WNT10A: variants seen among roughly 807,000 people sequenced by gnomAD.
The protein encoded by WNT10A is protein Wnt-10a.
Under a neutral mutation model 36.1 loss-of-function variants are expected in WNT10A, and 37 were observed. The observed-to-expected ratio is 1.02, with a 90% CI of 0.79 to 1.35. The LOEUF is 1.35. Among genes scored for constraint, WNT10A ranks in the 40% most tolerant of loss-of-function variants. WNT10A has a pLI of 0.00. For synonymous variants in WNT10A, 255 were observed against 254.1 expected, an observed-to-expected ratio of 1.00 and a Z score of -0.03; for missense variants, 613 against 601.4, an observed-to-expected ratio of 1.02 and a Z score of -0.20.
At chr2:218,876,316 G>A (rs1401366406), upstream of WNT10A, among the ~76,000 whole-genome samples, 2 of 152,314 alleles carry the variant, frequency 1.3e-5, no homozygotes, top group African/African-American at 2.4e-5. Flanking sequence ...AGGGAGCAAA[G>A]CACAGTCCTT....
chr2:218,877,186 A>T (rs560018789), upstream of WNT10A, among the ~76,000 whole-genome samples: 3 of 152,350 alleles, frequency 2.0e-5, no homozygotes, highest in South Asian at 6.2e-4. This position sits in a 1 kb window ranked among gnomAD's most constrained non-coding sequence, Gnocchi z 4.1. Context: ...CTTGTTTGCT[A>T]GCTTGACCTT....
At chr2:218,874,646 G>A in the WNT10A span, among the ~76,000 whole-genome samples, 1 of 152,114 alleles carries the variant, frequency 6.6e-6, no homozygotes, top group African/African-American at 2.4e-5. Flanking sequence ...GGATGGCATA[G>A]CCCAACTTCC....
In WNT10A at chr2:218,890,353, T is replaced by C. The variant is rs781239708; in HGVS notation, c.746T>C (p.Val249Ala). 3.8e-6 allele frequency: 6 copies of C among 1,599,812 alleles called. No homozygotes were observed. Among genetic ancestry groups the C allele is most frequent in the East Asian group, 2.2e-5 (1 of 44,858 alleles). ...HARMRLHNNR[V>A]GRQAVMENMR... ...AGAATGAGGCTTCACAACAACCGAGTTGGGAGGCAGGTGAGAGCCCCACCC... is the reference window on the plus strand; with the variant it reads ...AGAATGAGGCTTCACAACAACCGAGCTGGGAGGCAGGTGAGAGCCCCACCC... Residue 249 changes from valine (V) to alanine (A), a missense_variant, in exon 3 of 4, where the codon GTT (valine) becomes GCT (alanine). Coordinates refer to ENST00000258411, the MANE Select transcript of WNT10A (RefSeq NM_025216.3).
At position 218,890,090 on chromosome 2, in the gene WNT10A, G is replaced by C. The variant is rs200751156; in HGVS notation, c.483G>C (p.Ala161=). 4.5e-5 allele frequency: 72 copies of C among 1,614,170 alleles called. No homozygotes were observed. In the Middle Eastern group the frequency reaches 5.0e-4, roughly 11 times the overall value. Residue 161 remains alanine, a synonymous_variant, in exon 3 of 4, where the codon GCG becomes GCC. Transcript: ENST00000258411. ...LGKLKACGCD[A]SRRGDEEAFR... is the part of the protein sequence containing the mutation. ...AACTGAAGGCCTGTGGCTGTGATGC[G>C]TCCCGGCGAGGGGACGAGGAGGCCT...
the WNT10A span, chr2:218,874,332 G>C: frequency 0.024 from 3,724 of 156,344 alleles, 148 homozygotes; most frequent in African/African-American, 0.085. Flanking sequence ...GCTATCACCT[G>C]GGTCCCTATC....
intron 1 of WNT10A, among the ~76,000 whole-genome samples, chr2:218,881,444 C>T (rs1023410534): frequency 2.0e-5 from 3 of 152,172 alleles, no homozygotes; most frequent in African/African-American, 7.2e-5. Context: ...AGCTGCCTCA[C>T]TCCTTCCTGC....
At chr2:218,892,676 G>T in intron 3 of WNT10A, 98 bp from the exon 4 acceptor site, 1 of 1,529,464 alleles carries the variant, frequency 6.5e-7, no homozygotes, top group Non-Finnish European at 8.8e-7. Flanking sequence ...GTTTGCCTCT[G>T]TATAATGGGA....
At position 218,893,239 on chromosome 2, in the gene WNT10A, C is replaced by A. The variant is rs1447903396; in HGVS notation, c.1222C>A (p.Arg408Ser). 1 of 1,562,804 alleles carries A rather than the reference C, an allele frequency of 6.4e-7. No individual in the cohort carries two copies. Among genetic ancestry groups the A allele is most frequent in the East Asian group, 2.3e-5 (1 of 43,244 alleles). ...WCCFVVCEEC[R>S]ITEWVSVCK ...CTGTTTCGTGGTCTGCGAAGAGTGC[C>A]GCATCACCGAGTGGGTCAGCGTCTG... Residue 408 changes from arginine to serine, a missense_variant, in exon 4 of 4, where the codon CGC becomes AGC. Arg to Ser is a moderately radical substitution (Grantham distance 110). Coordinates refer to ENST00000258411, the MANE Select transcript of WNT10A (RefSeq NM_025216.3). This position sits in a 1 kb window ranked among gnomAD's most constrained non-coding sequence, Gnocchi z 6.3.
Position 218,882,290 on chromosome 2 carries a change from G to A in WNT10A, c.243G>A (p.Val81=). The stretch of plus-strand genomic sequence containing the variant: ...AGGTGTGTGTGCGTCACCCTGATGT[G>A]GCTGCCTCAGCCATACAGGGCATCC... ...QMEVCVRHPD[V]AASAIQGIQI... Residue 81 remains valine (V), a synonymous_variant, in exon 2 of 4, where the codon GTG becomes GTA. Coordinates refer to ENST00000258411, the MANE Select transcript of WNT10A (RefSeq NM_025216.3). 1 of 1,614,122 alleles carries A rather than the reference G, an allele frequency of 6.2e-7. No homozygotes were observed. Among genetic ancestry groups the A allele is most frequent in the East Asian group, 2.2e-5 (1 of 44,890 alleles).
upstream of WNT10A, among the ~76,000 whole-genome samples, chr2:218,877,980 C>T (rs1049066207): frequency 4.6e-5 from 7 of 152,176 alleles, no homozygotes; most frequent in South Asian, 2.1e-4. The surrounding 1 kb of genome is among the most constrained non-coding windows in gnomAD (Gnocchi z 4.1). Flanking sequence ...CATGCTTCCC[C>T]GGCCCTTCCT....
At position 218,892,303 on chromosome 2, in the gene WNT10A, CCACACACACACACACA is replaced by C. The variant is rs60385784; in HGVS notation, c.757-429_757-414del. Among the ~76,000 whole-genome samples the C allele has an allele frequency of 6.1e-3, 616 of 100,938 alleles. 3 individuals carry two copies. Among genetic ancestry groups the C allele is most frequent in the East Asian group, 0.017 (56 of 3,252 alleles). The allele number at this position is 100,938 out of a possible 152,430, so 66.2% of individuals were successfully genotyped here. ...ACCGAACACCCCTCCACCCACCCCACCACACACACACACACACACACACACACACACACACACACAC... is the reference window on the plus strand; with the variant it reads ...ACCGAACACCCCTCCACCCACCCCACCACACACACACACACACACACACAC... On this transcript the variant is annotated intron_variant, in intron 3 of 3. Transcript: ENST00000258411.
intron 2 of WNT10A, among the ~76,000 whole-genome samples, chr2:218,885,608 C>T (rs1269892480): frequency 2.0e-5 from 3 of 152,224 alleles, no homozygotes; most frequent in South Asian, 2.1e-4. Flanking sequence ...CCAGACCCAT[C>T]TGGAATAGAT....
chr2:218,882,521 T>A, intron 2 of WNT10A, 98 bp downstream of exon 2: 1 of 1,478,738 alleles, frequency 6.8e-7, no homozygotes, highest in South Asian at 1.2e-5. Flanking sequence ...CAAGCTGGCA[T>A]CCTCCCATCC....
Position 218,889,866 on chromosome 2 carries a change from G to A in WNT10A, c.377-118G>A, listed in dbSNP as rs149016710. On this transcript the variant is annotated intron_variant, in intron 2 of 3. Coordinates refer to ENST00000258411, the MANE Select transcript of WNT10A (RefSeq NM_025216.3). ...CCCTTCTTTGACTCTGTTTCCTTGTGCCAGACTCTCCTGCATACTGGGCTT... is the reference window on the plus strand; with the variant it reads ...CCCTTCTTTGACTCTGTTTCCTTGTACCAGACTCTCCTGCATACTGGGCTT... 8 of 1,527,654 alleles carry A rather than the reference G, an allele frequency of 5.2e-6. No individual in the cohort carries two copies. The East Asian group carries it at 1.6e-4, about 30-fold the overall frequency. 94.6% of individuals were successfully genotyped at this position (1,527,654 alleles called of 1,614,324 possible).
chr2:218,878,273 A>C (rs945421658), upstream of WNT10A, among the ~76,000 whole-genome samples: 43 of 152,012 alleles, frequency 2.8e-4, 1 homozygote, highest in African/African-American at 9.4e-4. This position sits in a 1 kb window ranked among gnomAD's most constrained non-coding sequence, Gnocchi z 4.1. Context: ...CTGGACCAAC[A>C]CAGACTCTCC....
chr2:218,886,200 T>C (rs1410390647), intron 2 of WNT10A, among the ~76,000 whole-genome samples: 1 of 152,138 alleles, frequency 6.6e-6, no homozygotes, highest in African/African-American at 2.4e-5. Flanking sequence ...GTGAAACTGA[T>C]ATGCATACGT....
At position 218,880,858 on chromosome 2, in the gene WNT10A, T is replaced by C. The variant is rs951663090; in HGVS notation, c.-138T>C. 2.0e-5 allele frequency: 22 copies of C among 1,081,638 alleles called. No homozygotes were observed. The highest frequency in any genetic ancestry group is 1.4e-4 in the Admixed American group (4 of 28,218). 67.0% of individuals were successfully genotyped at this position (1,081,638 alleles called of 1,614,324 possible). ...GAGCGGGGAGGCGGGCGCCGTCTGC[T>C]CCGGGAGCCCTGACCCGAGTCGGAG... On this transcript the variant is annotated 5_prime_UTR_variant, in exon 1 of 4. Coordinates refer to ENST00000258411, the MANE Select transcript of WNT10A (RefSeq NM_025216.3). This position sits in a 1 kb window ranked among gnomAD's most constrained non-coding sequence, Gnocchi z 7.7.
At chr2:218,880,844 C>T (rs974232683), upstream of WNT10A, 3 of 863,876 alleles carry the variant, frequency 3.5e-6, 1 homozygote, top group South Asian at 6.1e-5. This position sits in a 1 kb window ranked among gnomAD's most constrained non-coding sequence, Gnocchi z 7.7. Flanking sequence ...AGCGGGGAGG[C>T]GGGCGCCGTC....
chr2:218,882,093 T>C (rs1944523788), intron 1 of WNT10A, 68 bp from the exon 2 acceptor site: 1 of 1,568,314 alleles, frequency 6.4e-7, no homozygotes, highest in East Asian at 2.3e-5. Context: ...GGACAGAGTG[T>C]GTGTTGTTAG....
Sources: allele counts gnomAD v4.1 joint callset (sites outside exome capture counted in the v4.1 genomes callset), GRCh38; gene constraint gnomAD v4.1.1; non-coding constraint Gnocchi (gnomAD v3.1); transcripts MANE v1.5; gene names NCBI Gene and HGNC (gene_info 2026-07-23, HGNC 2026-07-21).